Variants in PACS1 observed in about 807,000 individuals in gnomAD.
PACS1 encodes PACS-1.
PACS1 carries 24 observed loss-of-function variants against 115.0 expected under a neutral mutation model. The observed-to-expected ratio is 0.21, with a 90% confidence interval of 0.15 to 0.29. PACS1 has a LOEUF of 0.29. Ranked by LOEUF, PACS1 falls within the 10% of genes least tolerant of loss-of-function variation. The pLI, the probability that PACS1 is intolerant of heterozygous loss-of-function variation, is 1.00. For synonymous variants in PACS1, 453 were observed against 504.5 expected, an observed-to-expected ratio of 0.90 and a Z score of 1.37; for missense variants, 838 against 1,251.2, an observed-to-expected ratio of 0.67 and a Z score of 4.98.
At chr11:66,139,116 A>C (rs1388762621) in intron 1 of PACS1, among the ~76,000 whole-genome samples, 1 of 152,170 alleles carries the variant, frequency 6.6e-6, no homozygotes, top group African/African-American at 2.4e-5. Flanking sequence ...CAACCTGAAA[A>C]CATCATGCTA....
intron 1 of PACS1, among the ~76,000 whole-genome samples, chr11:66,139,011 G>A (rs1858914988): frequency 2.6e-5 from 4 of 151,986 alleles, no homozygotes; most frequent in Admixed American, 2.6e-4. Flanking sequence ...GGTTCCCCAG[G>A]CGACCCTTAG....
intron 1 of PACS1, among the ~76,000 whole-genome samples, chr11:66,108,634 A>G (rs528379154): frequency 1.3e-5 from 2 of 152,236 alleles, no homozygotes; most frequent in South Asian, 2.1e-4. Context: ...ACAGGGTGGT[A>G]TGTACCTGTA....
chr11:66,145,554 G>T (rs1437890083), intron 1 of PACS1, among the ~76,000 whole-genome samples: 1 of 152,178 alleles, frequency 6.6e-6, no homozygotes, highest in Non-Finnish European at 1.5e-5. Context: ...GGGGTCTGAA[G>T]GGCTGTCCAC....
At chr11:66,160,468 A>G (rs1284145565) in intron 1 of PACS1, among the ~76,000 whole-genome samples, 3 of 152,154 alleles carry the variant, frequency 2.0e-5, no homozygotes, top group Non-Finnish European at 4.4e-5. Context: ...AAAAAAATTA[A>G]TGCATGATCT....
chr11:66,070,767 G>A lies in PACS1; in HGVS notation c.281G>A (p.Arg94His), dbSNP rs1214667474. 2.6e-6 allele frequency: 4 copies of A among 1,540,226 alleles called. No individual in the cohort carries two copies. Among genetic ancestry groups the A allele is most frequent in the South Asian group, 2.4e-5 (2 of 84,064 alleles). ...SAPPGGPGPGRTPAPVQMNLY... is the reference protein window; with the variant it reads ...SAPPGGPGPGHTPAPVQMNLY... ...CCTCCCGGTGGCCCGGGGCCAGGCC[G>A]CACCCCCGCCCCGGTGCAGATGAAC... The change falls in exon 1 of 24, where the codon CGC becomes CAC. Residue 94 changes from arginine to histidine, a missense_variant. Around this residue, in one of 6 missense-constraint regions of PACS1, gnomAD observed 129 missense variants for 109.4 expected, o/e 1.18. Transcript: ENST00000320580. The surrounding 1 kb of genome is among the most constrained non-coding windows in gnomAD (Gnocchi z 5.9).
At chr11:66,234,074 G>A in intron 16 of PACS1, 58 bp from the exon 17 acceptor site, 1 of 1,518,896 alleles carries the variant, frequency 6.6e-7, no homozygotes, top group Non-Finnish European at 9.1e-7. Context: ...AGGGACAGCT[G>A]CTCCCACACT....
intron 1 of PACS1, among the ~76,000 whole-genome samples, chr11:66,181,513 C>T (rs1054257593): frequency 1.3e-5 from 2 of 151,978 alleles, no homozygotes; most frequent in Admixed American, 6.6e-5. Context: ...CCCACCCGGC[C>T]CTATTGCTCT....
chr11:66,238,741 G>A, intron 19 of PACS1, 63 bp from the exon 20 acceptor site: 1 of 1,420,138 alleles, frequency 7.0e-7, no homozygotes, highest in Non-Finnish European at 9.8e-7. Context: ...TGTGTTTCTG[G>A]TTGGATCAGA....
At chr11:66,103,513 ATTTT>A (rs556121033) in intron 1 of PACS1, among the ~76,000 whole-genome samples, 41 of 109,144 alleles carry the variant, frequency 3.8e-4, no homozygotes, top group African/African-American at 1.5e-3. Flanking sequence ...TTTGTTTGGA[ATTTT>A]TTTTTTTTTT....
At chr11:66,114,417 CAAAAAA>C (rs34972929) in intron 1 of PACS1, among the ~76,000 whole-genome samples, 1 of 132,198 alleles carries the variant, frequency 7.6e-6, no homozygotes, top group South Asian at 2.4e-4. Context: ...GACTCCGCCT[CAAAAAA>C]AAAAAAAAAA....
chr11:66,121,040 T>C (rs1433109391), intron 1 of PACS1: 1 of 456,310 alleles, frequency 2.2e-6, no homozygotes, highest in South Asian at 1.5e-5. Flanking sequence ...TTTTTACAGA[T>C]TGAAGATTTG....
At chr11:66,145,694 C>T (rs1001045388) in intron 1 of PACS1, among the ~76,000 whole-genome samples, 2 of 152,190 alleles carry the variant, frequency 1.3e-5, no homozygotes, top group East Asian at 1.9e-4. Context: ...AGGGCTGATC[C>T]GAAAGGAAAA....
intron 13 of PACS1, 143 bp from the exon 14 acceptor site, chr11:66,232,029 G>A (rs970649223): frequency 3.3e-6 from 2 of 609,410 alleles, no homozygotes; most frequent in Admixed American, 5.9e-5. Context: ...GCCAGTGGGA[G>A]ACTGAGTCTC....
intron 10 of PACS1, 115 bp downstream of exon 10, chr11:66,221,362 C>T (rs1352155016): frequency 5.5e-6 from 5 of 902,810 alleles, no homozygotes; most frequent in South Asian, 2.9e-5. Context: ...AAAGTGGCCC[C>T]ATTGGCTGGG....
At chr11:66,179,810 C>T (rs925968925) in intron 1 of PACS1, among the ~76,000 whole-genome samples, 1 of 152,126 alleles carries the variant, frequency 6.6e-6, no homozygotes, top group Non-Finnish European at 1.5e-5. Flanking sequence ...CCTCTGAATT[C>T]TGTTCAGCCT....
At chr11:66,200,981 G>A (rs544658834) in intron 2 of PACS1, among the ~76,000 whole-genome samples, 1 of 152,156 alleles carries the variant, frequency 6.6e-6, no homozygotes, top group Non-Finnish European at 1.5e-5. Flanking sequence ...AGCACTTTGG[G>A]AGGCCAAGGT....
chr11:66,107,205 G>T (rs1330583456), intron 1 of PACS1, among the ~76,000 whole-genome samples: 1 of 152,088 alleles, frequency 6.6e-6, no homozygotes, highest in African/African-American at 2.4e-5. Context: ...TTGCAGCCAC[G>T]CAGGCTTCTT....
At chr11:66,161,365 A>G (rs1437954973) in intron 1 of PACS1, among the ~76,000 whole-genome samples, 1 of 152,098 alleles carries the variant, frequency 6.6e-6, no homozygotes, top group Admixed American at 6.6e-5. Flanking sequence ...GGGAGTTAGG[A>G]TCATAAGAGC....
intron 1 of PACS1, among the ~76,000 whole-genome samples, chr11:66,077,686 T>C (rs528180714): frequency 4.4e-4 from 65 of 148,462 alleles, no homozygotes; most frequent in African/African-American, 1.5e-3. Flanking sequence ...GTGCAGATCC[T>C]TTTAAATTGT....
Sources: gnomAD v4.1 joint callset for allele counts (sites outside exome capture counted in the v4.1 genomes callset) on GRCh38, gnomAD v4.1.1 for gene constraint, gnomAD v4.1.1 regional missense constraint, Gnocchi (gnomAD v3.1) non-coding constraint, MANE v1.5 for transcripts, NCBI Gene and HGNC (gene_info 2026-07-23, HGNC 2026-07-21) for gene names.